The following ADGRF5 variants were observed in gnomAD, a reference collection of about 807,000 sequenced individuals.
ADGRF5 encodes adhesion G protein-coupled receptor F5, also known as G-protein coupled receptor 116.
In ADGRF5, 75 loss-of-function variants were observed where a neutral mutation model predicts 132.3. The ratio of observed to expected loss-of-function variants is 0.57; its 90% CI spans 0.47 to 0.69. The LOEUF (loss-of-function observed/expected upper bound fraction) is 0.69, where lower values mean the gene tolerates loss of function less well. Among genes scored for constraint, ADGRF5 ranks in the 30% least tolerant of loss-of-function variants. The pLI, the probability that ADGRF5 is intolerant of heterozygous loss-of-function variation, is 0.00. For synonymous variants in ADGRF5, 629 were observed against 597.6 expected (o/e 1.05, Z -0.77); for missense variants, 1,516 against 1,630.6 (o/e 0.93, Z 1.21).
At chr6:46,888,227 C>A in intron 4 of ADGRF5, 108 bp downstream of exon 4, 1 of 748,040 alleles carries the variant, frequency 1.3e-6, no homozygotes, top group South Asian at 1.8e-5. Flanking sequence ...CTCGGTGAGT[C>A]ATTTCACTTG....
Position 46,884,289 on chromosome 6 carries a change from A to T in ADGRF5, c.329-18T>A. The stretch of plus-strand genomic sequence containing the variant: ...TCTGCAGACTATCGTTAATCAGAAC[A>T]GCAAGGAGAGAGAAGGTGGAGAAGG... On this transcript the variant is annotated intron_variant, in intron 4 of 20. Coordinates refer to ENST00000283296, the MANE Select transcript of ADGRF5 (RefSeq NM_001098518.2). 1 of 1,595,576 alleles carries T rather than the reference A, an allele frequency of 6.3e-7. No individual in the cohort carries two copies. Among genetic ancestry groups the T allele is most frequent in the Non-Finnish European group, 8.6e-7 (1 of 1,165,268 alleles).
intron 6 of ADGRF5, among the ~76,000 whole-genome samples, chr6:46,883,314 C>G (rs755115671): frequency 6.6e-6 from 1 of 152,132 alleles, no homozygotes; most frequent in Non-Finnish European, 1.5e-5. Context: ...ATTGATGCCA[C>G]GAAATCTTAA....
At chr6:46,938,918 T>A (rs912005412) in intron 1 of ADGRF5, among the ~76,000 whole-genome samples, 77 of 151,676 alleles carry the variant, frequency 5.1e-4, no homozygotes, top group Admixed American at 4.8e-3. Flanking sequence ...GTCACCAGGC[T>A]GGAGTGCAGT....
intron 2 of ADGRF5, 21 bp downstream of exon 2, chr6:46,906,640 G>A: frequency 8.7e-7 from 1 of 1,153,752 alleles, no homozygotes; most frequent in Non-Finnish European, 1.3e-6. Context: ...AAAAATTATA[G>A]CAGATATGGA....
chr6:46,877,298 TC>T (rs61357942), intron 10 of ADGRF5, among the ~76,000 whole-genome samples: 4 of 104,024 alleles, frequency 3.8e-5, no homozygotes, highest in East Asian at 2.4e-4. Flanking sequence ...TTTCTCTCTC[TC>T]TCTCTCTTTC....
chr6:46,954,719 G>A (rs1383157814), intron 1 of ADGRF5: 5 of 152,130 alleles, frequency 3.3e-5, no homozygotes, highest in African/African-American at 4.8e-5. Context: ...AAATCAAAAC[G>A]ATGCAGGTAC....
rs150653643 is a variant in ADGRF5, at chr6:46,941,204, T to A, written c.-25+13530A>T. ...AAAAAGCCAGGCATAGTGGCAAGCATCTGTAATACTAGCTCCTTGTGGGGC... is the reference window on the plus strand; with the variant it reads ...AAAAAGCCAGGCATAGTGGCAAGCAACTGTAATACTAGCTCCTTGTGGGGC... On this transcript the variant is annotated intron_variant, in intron 1 of 20. Transcript: ENST00000265417. Among the ~76,000 whole-genome samples, 4 of 151,892 alleles carry A rather than the reference T, an allele frequency of 2.6e-5. No homozygotes were observed. The East Asian group carries it at 7.8e-4, about 29-fold the overall frequency.
intron 1 of ADGRF5, among the ~76,000 whole-genome samples, chr6:46,948,502 GTGTGTGTGTGTGTA>G (rs1778381892): frequency 6.6e-6 from 1 of 151,642 alleles, no homozygotes; most frequent in South Asian, 2.1e-4. Context: ...GTGTGTGTGT[GTGTGTGTGTGTGTA>G]TGTGTGTGTT....
At chr6:46,861,921 G>A (rs1337545543) in intron 15 of ADGRF5, among the ~76,000 whole-genome samples, 1 of 151,900 alleles carries the variant, frequency 6.6e-6, no homozygotes, top group South Asian at 2.1e-4. Context: ...TCAAGGTCCA[G>A]CTCAGATGCC....
In ADGRF5 at chr6:46,878,338, C is replaced by T. The variant is rs1772047808; in HGVS notation, c.1104G>A (p.Met368Ile). 6.2e-7 allele frequency: 1 copy of T among 1,612,670 alleles called. No individual in the cohort carries two copies. ...CTTCATTTGCCAAAATTTGGATGGGCATAACATCTATTTTCTTCTTGCACT... is the reference window on the plus strand; with the variant it reads ...CTTCATTTGCCAAAATTTGGATGGGTATAACATCTATTTTCTTCTTGCACT... ...EYECKKKIDV[M>I]PIQILANEEM... Residue 368 changes from methionine to isoleucine, a missense_variant, in exon 10 of 21, where the codon ATG becomes ATA. Met to Ile is a conservative substitution (Grantham distance 10). Coordinates refer to ENST00000283296, the MANE Select transcript of ADGRF5 (RefSeq NM_001098518.2).
chr6:46,860,365 C>A (rs917170199), intron 16 of ADGRF5, among the ~76,000 whole-genome samples: 1 of 152,152 alleles, frequency 6.6e-6, no homozygotes, highest in African/African-American at 2.4e-5. Context: ...AGAACCTATC[C>A]TCCCACGATT....
At chr6:46,953,687 A>ATATATATATATATATATC (rs1184260500) in intron 1 of ADGRF5, among the ~76,000 whole-genome samples, 1 of 130,274 alleles carries the variant, frequency 7.7e-6, no homozygotes, top group Non-Finnish European at 1.6e-5. Flanking sequence ...ATATATATAT[A>ATATATATATATATATATC]TATCTCACTG....
At chr6:46,896,841 C>CT (rs143594326) in intron 3 of ADGRF5, among the ~76,000 whole-genome samples, 1 of 151,820 alleles carries the variant, frequency 6.6e-6, no homozygotes, top group African/African-American at 2.4e-5. Context: ...CATGTACAGC[C>CT]TTTTTTTCAT....
chr6:46,866,856 A>T, intron 13 of ADGRF5, 69 bp downstream of exon 13: 4 of 908,922 alleles, frequency 4.4e-6, no homozygotes, highest in Non-Finnish European at 7.2e-6. Context: ...TCCCTATTTT[A>T]AGACTAAATT....
chr6:46,866,079 T>G (rs1770385737), intron 13 of ADGRF5, among the ~76,000 whole-genome samples: 1 of 152,220 alleles, frequency 6.6e-6, no homozygotes, highest in African/African-American at 2.4e-5. Flanking sequence ...AAGGGCACCA[T>G]CTACCAGAGA....
intron 2 of ADGRF5, among the ~76,000 whole-genome samples, chr6:46,901,695 G>A (rs1386784330): frequency 2.6e-5 from 4 of 151,982 alleles, no homozygotes; most frequent in East Asian, 1.9e-4. Flanking sequence ...TGTCCACGCA[G>A]GCACTGCATC....
intron 3 of ADGRF5, among the ~76,000 whole-genome samples, chr6:46,889,203 A>G (rs1013375342): frequency 6.8e-6 from 1 of 147,354 alleles, no homozygotes; most frequent in Non-Finnish European, 1.5e-5. Flanking sequence ...ATATATATAT[A>G]TAAAATATAT....
At chr6:46,951,399 G>T (rs761753) in intron 1 of ADGRF5, among the ~76,000 whole-genome samples, 1 of 152,054 alleles carries the variant, frequency 6.6e-6, no homozygotes, top group Non-Finnish European at 1.5e-5. Context: ...TGCTGGCTGT[G>T]TCTGTTTGCT....
chr6:46,865,007 C>G, intron 14 of ADGRF5, 35 bp downstream of exon 14: 1 of 1,467,544 alleles, frequency 6.8e-7, no homozygotes, highest in Non-Finnish European at 9.4e-7. Context: ...CCTGCCCTGA[C>G]TATAACATCT....
Sources: allele counts gnomAD v4.1 joint callset (sites outside exome capture counted in the v4.1 genomes callset), GRCh38; gene constraint gnomAD v4.1.1; transcripts MANE v1.5; gene names NCBI Gene and HGNC (gene_info 2026-07-23, HGNC 2026-07-21).